The following LYRM4 variants were observed in gnomAD, a reference collection of about 807,000 sequenced individuals.
The protein encoded by LYRM4 is LYR motif containing 4.
A neutral mutation model predicts 11.7 loss-of-function variants in LYRM4; 9 were observed. The ratio of observed to expected loss-of-function variants is 0.77; its 90% CI spans 0.46 to 1.34. LYRM4 has a LOEUF of 1.34. Ranked by LOEUF, LYRM4 falls within the 40% of genes most tolerant of loss-of-function variation. The pLI, the probability that LYRM4 is intolerant of heterozygous loss-of-function variation, is 0.00. For synonymous variants in LYRM4, 42 were observed against 40.4 expected (o/e 1.04, Z -0.15); for missense variants, 133 against 112.5 (o/e 1.18, Z -0.82).
chr6:5,153,914 T>A (rs1325770360), intron 2 of LYRM4, among the ~76,000 whole-genome samples: 1 of 152,106 alleles, frequency 6.6e-6, no homozygotes, highest in East Asian at 1.9e-4. Flanking sequence ...AATGCTAAAT[T>A]GCAGCAATAA....
chr6:5,034,769 T>TTTTTTTTTTTTTTTTTTG, the LYRM4 span: 1 of 12,992 alleles, frequency 7.7e-5, no homozygotes, highest in African/African-American at 1.5e-4. Flanking sequence ...TTTTTTTTTT[T>TTTTTTTTTTTTTTTTTTG]TCAAAAAGCG....
At chr6:5,221,095 G>A (rs1173123428) in intron 1 of LYRM4, among the ~76,000 whole-genome samples, 1 of 152,108 alleles carries the variant, frequency 6.6e-6, no homozygotes, top group African/African-American at 2.4e-5. Flanking sequence ...TCAAAGTGCT[G>A]GGATTACAGG....
rs552658687 is a variant in LYRM4, at chr6:5,120,495, G to A, written c.208-11004C>T. Among the ~76,000 whole-genome samples the A allele has an allele frequency of 4.6e-5, 7 of 152,302 alleles. No individual in the cohort carries two copies. In the East Asian group the frequency reaches 9.7e-4, roughly 21 times the overall value. On this transcript the variant is annotated intron_variant, in intron 2 of 2. Coordinates refer to ENST00000330636, the MANE Select transcript of LYRM4 (RefSeq NM_020408.6). ...AAGGTGGTGTGGACCCAAAAAGTGA[G>A]CAGCAGCAAGATTTATTGTGGAGAG... is the stretch of plus-strand genomic sequence containing the variant.
chr6:5,184,347 G>C (rs1760255264), intron 2 of LYRM4, among the ~76,000 whole-genome samples: 1 of 152,154 alleles, frequency 6.6e-6, no homozygotes, highest in Non-Finnish European at 1.5e-5. Flanking sequence ...CTTCAAAAGA[G>C]CTGTCCCTTT....
the LYRM4 span, among the ~76,000 whole-genome samples, chr6:5,069,193 C>CT: frequency 6.6e-6 from 1 of 152,126 alleles, no homozygotes. Flanking sequence ...GGCAGCATCT[C>CT]AAACATTTTG....
chr6:5,234,665 GA>G (rs1561890802), intron 1 of LYRM4, among the ~76,000 whole-genome samples: 1 of 151,996 alleles, frequency 6.6e-6, no homozygotes, highest in Non-Finnish European at 1.5e-5. Flanking sequence ...ACATGAGTAG[GA>G]AAACACAGAA....
chr6:5,060,613 T>G, the LYRM4 span, among the ~76,000 whole-genome samples: 7 of 152,078 alleles, frequency 4.6e-5, no homozygotes, highest in African/African-American at 1.7e-4. Context: ...CTCACACGTC[T>G]GCCTCTCGGG....
chr6:5,108,425 C>T lies in LYRM4; in HGVS notation c.*998G>A. ...ATGAATCTGTTTCCAAGAATAAAAG[C>T]ATACAAACAATATCTTTATTACCTG... On this transcript the variant is annotated 3_prime_UTR_variant, in exon 3 of 3. Coordinates refer to ENST00000330636, the MANE Select transcript of LYRM4 (RefSeq NM_020408.6). The T allele has an allele frequency of 1.0e-6, 1 of 976,164 alleles. No individual in the cohort carries two copies. The highest frequency in any genetic ancestry group is 1.2e-6 in the Non-Finnish European group (1 of 821,434). The allele number at this position is 976,164 out of a possible 1,614,324, so 60.5% of individuals were successfully genotyped here. A position where few individuals can be genotyped will look rare whatever the true frequency, so the allele number is the denominator to read the frequency against.
chr6:5,248,327 T>A (rs532437466), intron 1 of LYRM4, among the ~76,000 whole-genome samples: 5 of 152,272 alleles, frequency 3.3e-5, no homozygotes, highest in Admixed American at 1.3e-4. Context: ...TAAACTCAAC[T>A]AGGGCAATGG....
intron 2 of LYRM4, among the ~76,000 whole-genome samples, chr6:5,197,336 T>C (rs935867424): frequency 4.6e-5 from 7 of 152,140 alleles, no homozygotes; most frequent in African/African-American, 1.7e-4. Flanking sequence ...CTAGAGCATA[T>C]GCCAAGCCAG....
chr6:5,158,191 T>C (rs560820799), intron 2 of LYRM4, among the ~76,000 whole-genome samples: 16 of 152,378 alleles, frequency 1.1e-4, no homozygotes, highest in African/African-American at 3.8e-4. Context: ...ACAGTATGCA[T>C]GCATATACAC....
intron 2 of LYRM4, among the ~76,000 whole-genome samples, chr6:5,159,445 CAGA>C (rs1758620627): frequency 6.6e-6 from 1 of 152,172 alleles, no homozygotes; most frequent in African/African-American, 2.4e-5. Flanking sequence ...AGTGATCATG[CAGA>C]AGAAGGGATG....
At chr6:5,063,507 G>A in the LYRM4 span, among the ~76,000 whole-genome samples, 2 of 152,054 alleles carry the variant, frequency 1.3e-5, no homozygotes, top group African/African-American at 2.4e-5. Context: ...GCCATGGGAC[G>A]CTACTTACAC....
chr6:5,176,221 T>C (rs1338839742), intron 2 of LYRM4, among the ~76,000 whole-genome samples: 3 of 152,180 alleles, frequency 2.0e-5, no homozygotes, highest in East Asian at 3.9e-4. Flanking sequence ...TGTGCCACCA[T>C]GCCTGGCTAA....
downstream of LYRM4, among the ~76,000 whole-genome samples, chr6:5,100,345 G>A (rs1400701479): frequency 6.6e-6 from 1 of 152,164 alleles, no homozygotes; most frequent in Non-Finnish European, 1.5e-5. Context: ...AACGGTCCCT[G>A]CCTCATCTCT....
At chr6:5,079,500 A>G in the LYRM4 span, among the ~76,000 whole-genome samples, 1 of 152,214 alleles carries the variant, frequency 6.6e-6, no homozygotes, top group Non-Finnish European at 1.5e-5. Context: ...CCAAAATGGC[A>G]TATTTTGGGG....
chr6:5,165,238 T>C (rs1759010139), intron 2 of LYRM4, among the ~76,000 whole-genome samples: 1 of 152,182 alleles, frequency 6.6e-6, no homozygotes, highest in South Asian at 2.1e-4. Flanking sequence ...CACTTATTGT[T>C]CCTACCTGTT....
chr6:5,116,989 G>A (rs1026732219), intron 2 of LYRM4, among the ~76,000 whole-genome samples: 2 of 152,202 alleles, frequency 1.3e-5, no homozygotes, highest in East Asian at 1.9e-4. Context: ...GGGAGTGGGT[G>A]GGGAAGGTGG....
chr6:5,184,519 CTTATAT>C (rs112150290), intron 2 of LYRM4, among the ~76,000 whole-genome samples: 4 of 152,092 alleles, frequency 2.6e-5, no homozygotes, highest in African/African-American at 9.7e-5. Flanking sequence ...AAAAGTCTTG[CTTATAT>C]TTTAAAAAGG....
Sources: gnomAD v4.1 joint callset for allele counts (sites outside exome capture counted in the v4.1 genomes callset) on GRCh38, gnomAD v4.1.1 for gene constraint, MANE v1.5 for transcripts, NCBI Gene and HGNC (gene_info 2026-07-23, HGNC 2026-07-21) for gene names.